Variants in SMC5 observed in about 807,000 individuals in gnomAD.
SMC5 encodes structural maintenance of chromosomes protein 5.
Under a neutral mutation model 148.3 loss-of-function variants are expected in SMC5, and 88 were observed. The observed-to-expected ratio is 0.59, with a 90% CI of 0.50 to 0.71. The LOEUF (loss-of-function observed/expected upper bound fraction) is 0.71, where lower values mean the gene tolerates loss of function less well. SMC5 is among the 30% of genes least tolerant of loss of function. SMC5 has a pLI of 0.00. For missense variants in SMC5, 1,142 were observed against 1,298.9 expected, an observed-to-expected ratio of 0.88 and a Z score of 1.86; for synonymous variants, 421 against 432.8, an observed-to-expected ratio of 0.97 and a Z score of 0.34.
At chr9:70,263,433 A>G (rs1422800795) in intron 1 of SMC5, among the ~76,000 whole-genome samples, 5 of 152,168 alleles carry the variant, frequency 3.3e-5, no homozygotes, top group Non-Finnish European at 7.3e-5. Context: ...TAGCAGATGA[A>G]TAGCAGGCTA....
intron 22 of SMC5, among the ~76,000 whole-genome samples, chr9:70,348,352 T>G (rs1408226450): frequency 1.3e-5 from 2 of 152,126 alleles, no homozygotes; most frequent in Non-Finnish European, 2.9e-5. Flanking sequence ...ACAGATTAGT[T>G]TGAAATATAG....
At chr9:70,309,318 C>T (rs76497445) in intron 11 of SMC5, among the ~76,000 whole-genome samples, 24 of 79,160 alleles carry the variant, frequency 3.0e-4, no homozygotes, top group Admixed American at 6.6e-4. Context: ...TTTCCTTTTC[C>T]TTTTTTTTTT....
rs140091989 is a variant in SMC5, at chr9:70,332,614, A to T, written c.2397+8471A>T. ...GAGGGAATACTTCTTGAAGCATTAT[A>T]TGAGGCCAGCATTACCTGATACTAA... On this transcript the variant is annotated intron_variant, in intron 17 of 24. Coordinates refer to ENST00000361138, the MANE Select transcript of SMC5 (RefSeq NM_015110.4). Among the ~76,000 whole-genome samples, 261 of 152,192 alleles carry T rather than the reference A, an allele frequency of 1.7e-3. 1 individual carries two copies. The highest frequency in any genetic ancestry group is 6.2e-3 in the African/African-American group (258 of 41,544).
chr9:70,282,085 T>A (rs1327512198), intron 6 of SMC5, among the ~76,000 whole-genome samples: 1 of 151,920 alleles, frequency 6.6e-6, no homozygotes, highest in African/African-American at 2.4e-5. Context: ...TTCTTTTGCT[T>A]CTTTATACAT....
intron 4 of SMC5, among the ~76,000 whole-genome samples, chr9:70,278,098 A>G (rs764744934): frequency 9.9e-5 from 15 of 152,076 alleles, no homozygotes; most frequent in Non-Finnish European, 1.5e-4. Flanking sequence ...AACACTTACC[A>G]GCTGATGTCA....
Position 70,352,268 on chromosome 9 carries a change from C to T in SMC5, c.3243C>T (p.Asn1081=), listed in dbSNP as rs1253629809. 1.2e-6 allele frequency: 2 copies of T among 1,613,662 alleles called. No individual in the cohort carries two copies. The highest frequency in any genetic ancestry group is 1.3e-5 in the African/African-American group (1 of 74,866). Residue 1081 remains asparagine, a synonymous_variant, in exon 25 of 25, where the codon AAC becomes AAT. Transcript: ENST00000361138. ...ATGGCCCTCATATGCTGGAACCAAA[C>T]ACATGGAATTTAAAGGCTTTCCAAA... ...VYNGPHMLEP[N]TWNLKAFQRR... is the part of the protein sequence containing the mutation.
At chr9:70,286,145 G>T in intron 7 of SMC5, 55 bp from the exon 8 acceptor site, 1 of 1,071,224 alleles carries the variant, frequency 9.3e-7, no homozygotes, top group Admixed American at 1.7e-5. Flanking sequence ...CATATAATTT[G>T]CTTGCATGAG....
In SMC5 at chr9:70,318,361, C is replaced by G. The variant is rs139050344; in HGVS notation, c.1807-153C>G. 8.0e-3 allele frequency among the ~76,000 whole-genome samples: 1,204 copies of G among 151,428 alleles called. 6 individuals are homozygous for G. Among genetic ancestry groups the G allele is most frequent in the African/African-American group, 0.028 (1,148 of 41,242 alleles). ...TGAGTTCGTGCCACTGCATTCCAGC[C>G]TGGGTGACAGAGTGAGACCCTGTCT... On this transcript the variant is annotated intron_variant, in intron 13 of 24. Coordinates refer to ENST00000361138, the MANE Select transcript of SMC5 (RefSeq NM_015110.4).
At chr9:70,299,960 A>G (rs1249043960) in intron 9 of SMC5, 86 bp from the exon 10 acceptor site, 11 of 1,229,364 alleles carry the variant, frequency 8.9e-6, no homozygotes, top group Admixed American at 5.8e-5. Flanking sequence ...CTTTAGAACT[A>G]GGGTATTCTT....
Position 70,259,208 on chromosome 9 carries a change from T to TC in SMC5, c.131dup (p.Ser45ValfsTer21). The TC allele has an allele frequency of 6.2e-7, 1 of 1,607,678 alleles. No individual in the cohort carries two copies. Among genetic ancestry groups the TC allele is most frequent in the Non-Finnish European group, 8.5e-7 (1 of 1,176,854 alleles). ...GGCCCCGCAGCTGCCGCTGTTGCAG[T>TC]CGTCCGGGCCTTTCGTGGAAGGCTC... On this transcript the variant is annotated frameshift_variant, in exon 1 of 25. Transcript: ENST00000361138. LOFTEE classifies it high-confidence loss of function.
At chr9:70,351,983 A>C (rs1332305613) in intron 24 of SMC5, among the ~76,000 whole-genome samples, 1 of 152,072 alleles carries the variant, frequency 6.6e-6, no homozygotes, top group Non-Finnish European at 1.5e-5. Flanking sequence ...AGGCTGGCTG[A>C]GGCACGAGAA....
intron 1 of SMC5, among the ~76,000 whole-genome samples, chr9:70,264,018 C>T (rs1447797449): frequency 3.3e-5 from 5 of 151,896 alleles, no homozygotes. Flanking sequence ...ATATAGTGTC[C>T]AGTGTTTTGT....
intron 2 of SMC5, among the ~76,000 whole-genome samples, chr9:70,266,551 T>G (rs533935365): frequency 6.6e-6 from 1 of 152,314 alleles, no homozygotes; most frequent in African/African-American, 2.4e-5. Context: ...TTACTAACTT[T>G]CTCATGTTGA....
chr9:70,341,893 A>G lies in SMC5; in HGVS notation c.2398-2251A>G, dbSNP rs370282411. Among the ~76,000 whole-genome samples the G allele has an allele frequency of 5.9e-5, 9 of 151,788 alleles. No homozygotes were observed. In the East Asian group the frequency reaches 1.4e-3, roughly 23 times the overall value. On this transcript the variant is annotated intron_variant, in intron 17 of 24. Transcript: ENST00000361138. ...ACCCAGCCATCCCATTACTGGGTAT[A>G]TACCCAAAGGACTATAAATCATGCT... is the stretch of plus-strand genomic sequence containing the variant.
intron 1 of SMC5, among the ~76,000 whole-genome samples, chr9:70,260,005 C>T (rs920253344): frequency 2.6e-5 from 4 of 151,010 alleles, no homozygotes; most frequent in Non-Finnish European, 4.4e-5. Flanking sequence ...AGTGCTGTGC[C>T]GCGATCTCGG....
chr9:70,259,437 C>T (rs113132343), intron 1 of SMC5, among the ~76,000 whole-genome samples, 174 bp downstream of exon 1: 1,680 of 152,230 alleles, frequency 0.011, 21 homozygotes, highest in African/African-American at 0.037. Flanking sequence ...TGGAGATTGA[C>T]GTGTATGATG....
At chr9:70,274,640 C>T (rs1243841788) in intron 3 of SMC5, among the ~76,000 whole-genome samples, 1 of 151,754 alleles carries the variant, frequency 6.6e-6, no homozygotes, top group Non-Finnish European at 1.5e-5. Context: ...TTTTTCCTGT[C>T]TTATTCTCTG....
At chr9:70,277,740 G>C (rs2034631872) in intron 4 of SMC5, among the ~76,000 whole-genome samples, 1 of 151,884 alleles carries the variant, frequency 6.6e-6, no homozygotes, top group Non-Finnish European at 1.5e-5. Context: ...ATAGCTATGT[G>C]CTTCTATTTG....
At chr9:70,261,249 C>T (rs2034121441) in intron 1 of SMC5, among the ~76,000 whole-genome samples, 2 of 152,118 alleles carry the variant, frequency 1.3e-5, no homozygotes, top group Admixed American at 6.5e-5. Flanking sequence ...TAGGCAGCCA[C>T]GGTGTGTTTT....
Sources: gnomAD v4.1 joint callset for allele counts (sites outside exome capture counted in the v4.1 genomes callset) on GRCh38, gnomAD v4.1.1 for gene constraint, MANE v1.5 for transcripts, NCBI Gene and HGNC (gene_info 2026-07-23, HGNC 2026-07-21) for gene names.